Variants in ATIC observed in about 807,000 individuals in gnomAD.
ATIC encodes 5-aminoimidazole-4-carboxamide ribonucleotide formyltransferase/IMP cyclohydrolase, also known as bifunctional purine biosynthesis protein ATIC.
In ATIC, 64 loss-of-function variants were observed where a neutral mutation model predicts 72.5. That is an observed-to-expected ratio of 0.88 (90% confidence interval 0.72 to 1.09). ATIC has a LOEUF of 1.09. Among genes scored for constraint, ATIC ranks in the 50% least tolerant of loss-of-function variants. The pLI is 0.00. For synonymous variants in ATIC, 281 were observed against 267.1 expected (o/e 1.05, Z -0.51); for missense variants, 787 against 732.4 (o/e 1.07, Z -0.86).
intron 10 of ATIC, among the ~76,000 whole-genome samples, 181 bp from the exon 11 acceptor site, chr2:215,335,854 C>T (rs892339826): frequency 6.6e-6 from 1 of 152,190 alleles, no homozygotes; most frequent in South Asian, 2.1e-4. Flanking sequence ...TTAGGATCTG[C>T]TATACAGAAA....
chr2:215,355,161 T>G, the ATIC span, among the ~76,000 whole-genome samples: 2 of 152,106 alleles, frequency 1.3e-5, no homozygotes, highest in Admixed American at 1.3e-4. Flanking sequence ...TGTGAGGTGG[T>G]GTTTTCCTTT....
At chr2:215,349,040 T>G in intron 14 of ATIC, 54 bp from the exon 15 acceptor site, 1 of 1,597,982 alleles carries the variant, frequency 6.3e-7, no homozygotes, top group Non-Finnish European at 8.6e-7. Flanking sequence ...TTGCACCACA[T>G]AGAACTAAAG....
At chr2:215,313,823 T>C (rs2052681113) in intron 2 of ATIC, among the ~76,000 whole-genome samples, 1 of 152,214 alleles carries the variant, frequency 6.6e-6, no homozygotes, top group Admixed American at 6.5e-5. Flanking sequence ...CTTGTCTCTG[T>C]GGTTTTCATG....
chr2:215,342,339 A>G (rs2053027963), intron 12 of ATIC, among the ~76,000 whole-genome samples: 1 of 94,142 alleles, frequency 1.1e-5, no homozygotes, highest in Non-Finnish European at 2.4e-5. Flanking sequence ...AGAAATCCTA[A>G]TAGCTTTTTT....
chr2:215,318,357 T>A, intron 3 of ATIC, 124 bp downstream of exon 3: 1 of 919,064 alleles, frequency 1.1e-6, no homozygotes, highest in Non-Finnish European at 1.8e-6. Context: ...GTTAATGTTA[T>A]GAAGTTGCTG....
intron 7 of ATIC, among the ~76,000 whole-genome samples, chr2:215,330,329 T>A (rs532371085): frequency 6.6e-6 from 1 of 152,196 alleles, no homozygotes; most frequent in Non-Finnish European, 1.5e-5. Flanking sequence ...GGGGGAATTA[T>A]TTTTTCAAGT....
intron 1 of ATIC, 142 bp from the exon 2 acceptor site, chr2:215,312,356 G>A: frequency 6.6e-7 from 1 of 1,524,566 alleles, no homozygotes; most frequent in South Asian, 1.1e-5. Context: ...AAGACCTGGG[G>A]AGGCCCGGAC....
At chr2:215,333,530 G>C in intron 9 of ATIC, 73 bp downstream of exon 9, 1 of 1,234,338 alleles carries the variant, frequency 8.1e-7, no homozygotes, top group Non-Finnish European at 1.1e-6. Context: ...GAATAAAGAG[G>C]ATAGAATAAA....
chr2:215,335,191 A>G (rs1006794491), intron 10 of ATIC, among the ~76,000 whole-genome samples, 187 bp downstream of exon 10: 9 of 152,154 alleles, frequency 5.9e-5, no homozygotes, highest in East Asian at 3.8e-4. Flanking sequence ...AATGTAGTGA[A>G]TTATTGTTTC....
chr2:215,332,146 G>A (rs1025168411), intron 7 of ATIC, among the ~76,000 whole-genome samples: 1 of 88,364 alleles, frequency 1.1e-5, no homozygotes, highest in East Asian at 3.4e-4. Flanking sequence ...GTGTGTGTGT[G>A]TGTGTGTGTG....
At chr2:215,368,165 T>C in the ATIC span, 84 of 944,318 alleles carry the variant, frequency 8.9e-5, no homozygotes, top group Non-Finnish European at 1.2e-4. Flanking sequence ...ATTCATCTGT[T>C]CTATCAAGGC....
At chr2:215,352,213 C>T (rs1177685845), downstream of ATIC, among the ~76,000 whole-genome samples, 2 of 152,060 alleles carry the variant, frequency 1.3e-5, no homozygotes, top group African/African-American at 2.4e-5. Flanking sequence ...ATAAATGTAC[C>T]ATGCTAATGT....
the ATIC span, chr2:215,360,468 T>G: frequency 6.6e-6 from 1 of 152,224 alleles, no homozygotes; most frequent in Non-Finnish European, 1.5e-5. Context: ...AATATCTTAG[T>G]CATTTTTATT....
chr2:215,347,006 G>C, intron 14 of ATIC, 65 bp downstream of exon 14: 1 of 1,553,420 alleles, frequency 6.4e-7, no homozygotes, highest in Non-Finnish European at 8.9e-7. Context: ...ATGTGTAACA[G>C]ATTTTAACTT....
rs757240518 is a variant in ATIC, at chr2:215,326,149, C to A, written c.531+11C>A. 8.1e-6 allele frequency: 13 copies of A among 1,613,614 alleles called. No homozygotes were observed. Among genetic ancestry groups the A allele is most frequent in the South Asian group, 1.1e-5 (1 of 91,062 alleles). The stretch of plus-strand genomic sequence containing the variant: ...CAGTTAGCCTTGAAGGTGGGATGCA[C>A]TTTCATGATATTGTAAGTTACATCC... On this transcript the variant is annotated intron_variant, in intron 6 of 15. Transcript: ENST00000236959.
chr2:215,366,414 C>T, the ATIC span, among the ~76,000 whole-genome samples: 1 of 152,164 alleles, frequency 6.6e-6, no homozygotes, highest in South Asian at 2.1e-4. Context: ...CTCTACACGC[C>T]ACCACCTGTT....
At chr2:215,336,707 T>A (rs2052958417) in intron 11 of ATIC, among the ~76,000 whole-genome samples, 1 of 152,218 alleles carries the variant, frequency 6.6e-6, no homozygotes. Flanking sequence ...TATTTTAACT[T>A]ACCTAGACAG....
intron 2 of ATIC, among the ~76,000 whole-genome samples, chr2:215,317,589 G>T (rs1461102223): frequency 1.3e-5 from 2 of 152,092 alleles, no homozygotes; most frequent in East Asian, 1.9e-4. Context: ...GGGTTCAAGT[G>T]ATTCTCCTGC....
chr2:215,347,560 C>T, intron 14 of ATIC: 1 of 486,022 alleles, frequency 2.1e-6, no homozygotes, highest in Non-Finnish European at 4.1e-6. Flanking sequence ...CAGAAGGCTG[C>T]TAATCAAATA....
Sources: gnomAD v4.1 joint callset for allele counts (sites outside exome capture counted in the v4.1 genomes callset) on GRCh38, gnomAD v4.1.1 for gene constraint, MANE v1.5 for transcripts, NCBI Gene and HGNC (gene_info 2026-07-23, HGNC 2026-07-21) for gene names.